GORAB: variants seen among roughly 807,000 people sequenced by gnomAD.
GORAB encodes RAB6-interacting golgin.
A neutral mutation model predicts 29.9 loss-of-function variants in GORAB; 17 were observed. The ratio of observed to expected loss-of-function variants is 0.57; its 90% CI spans 0.39 to 0.85. The LOEUF is 0.85. Among genes scored for constraint, GORAB ranks in the 40% least tolerant of loss-of-function variants. The pLI, the probability that GORAB is intolerant of heterozygous loss-of-function variation, is 0.00. For missense variants in GORAB, 442 were observed against 437.8 expected (o/e 1.01, Z -0.09); for synonymous variants, 183 against 157.2 (o/e 1.16, Z -1.23).
chr1:170,543,155 TC>T (rs1649540451), intron 3 of GORAB, among the ~76,000 whole-genome samples: 1 of 152,152 alleles, frequency 6.6e-6, no homozygotes, highest in Non-Finnish European at 1.5e-5. Context: ...TCTTTCACCT[TC>T]CAGTGTCTAT....
Position 170,544,523 on chromosome 1 carries a change from A to G in GORAB, c.522-182A>G, listed in dbSNP as rs187430236. On this transcript the variant is annotated intron_variant, in intron 3 of 4. Coordinates refer to ENST00000367763, the MANE Select transcript of GORAB (RefSeq NM_152281.3). ...TTACTTTATGAAACATGCAAATATA[A>G]AATTTCAAAAACTCAAATGTTAACC... is the stretch of plus-strand genomic sequence containing the variant. The G allele has an allele frequency of 3.7e-5, 19 of 510,814 alleles. No individual in the cohort carries two copies. In the East Asian group the frequency reaches 6.0e-4, roughly 16 times the overall value. 31.6% of individuals were successfully genotyped at this position (510,814 alleles called of 1,614,324 possible).
At chr1:170,548,738 G>A (rs1279210285) in intron 4 of GORAB, among the ~76,000 whole-genome samples, 2 of 152,038 alleles carry the variant, frequency 1.3e-5, no homozygotes, top group Non-Finnish European at 1.5e-5. Flanking sequence ...TTACAAAAGG[G>A]AATAATTGAT....
At chr1:170,538,301 G>C (rs10919427) in intron 1 of GORAB, among the ~76,000 whole-genome samples, 1 of 152,100 alleles carries the variant, frequency 6.6e-6, no homozygotes, top group Non-Finnish European at 1.5e-5. Flanking sequence ...TGCTTCAAAA[G>C]TCAATATGCC....
intron 4 of GORAB, among the ~76,000 whole-genome samples, chr1:170,549,425 A>G (rs1170223054): frequency 6.6e-6 from 1 of 152,202 alleles, no homozygotes; most frequent in Non-Finnish European, 1.5e-5. Context: ...TGATTTATCC[A>G]GGGTGATAGA....
chr1:170,549,508 T>C (rs1649986100), intron 4 of GORAB, among the ~76,000 whole-genome samples: 1 of 152,212 alleles, frequency 6.6e-6, no homozygotes, highest in African/African-American at 2.4e-5. Flanking sequence ...ACTGTAAATC[T>C]CTACTGATTG....
At chr1:170,544,202 G>A (rs760800312) in intron 3 of GORAB, among the ~76,000 whole-genome samples, 1 of 152,126 alleles carries the variant, frequency 6.6e-6, no homozygotes, top group African/African-American at 2.4e-5. Context: ...AAGAATCAAA[G>A]CAATAAAAGT....
At position 170,552,046 on chromosome 1, in the gene GORAB, A is replaced by G. The variant is rs1275189560; in HGVS notation, c.694A>G (p.Ile232Val). Residue 232 changes from isoleucine (I) to valine (V), a missense_variant, in exon 5 of 5, where the codon ATT (isoleucine) becomes GTT (valine). By Grantham distance (29) the Ile-to-Val change is conservative. Transcript: ENST00000367763. ...KRFDRAEAEY[I>V]AAKLDIQRKT... ...GTTTGACAGGGCTGAAGCAGAGTAC[A>G]TTGCAGCAAAGCTAGATATACAGCG... The G allele has an allele frequency of 1.2e-6, 2 of 1,613,960 alleles. No homozygotes were observed. The highest frequency in any genetic ancestry group is 1.7e-5 in the Admixed American group (1 of 60,000).
intron 1 of GORAB, among the ~76,000 whole-genome samples, chr1:170,535,866 G>T (rs1335329115): frequency 1.3e-5 from 2 of 152,000 alleles, no homozygotes; most frequent in African/African-American, 4.8e-5. Flanking sequence ...TAATTTTAAT[G>T]TATTCAAATA....
At chr1:170,543,684 AGTC>A (rs1167326654) in intron 3 of GORAB, among the ~76,000 whole-genome samples, 1 of 147,846 alleles carries the variant, frequency 6.8e-6, no homozygotes, top group Admixed American at 6.8e-5. Flanking sequence ...GCATTTTAGT[AGTC>A]TTCAATTTCT....
At chr1:170,546,909 T>C (rs1649797450) in intron 4 of GORAB, among the ~76,000 whole-genome samples, 1 of 152,148 alleles carries the variant, frequency 6.6e-6, no homozygotes. Context: ...GGTCTCCAAC[T>C]CTTGACCTCA....
chr1:170,539,631 T>C, intron 2 of GORAB, 64 bp downstream of exon 2: 3 of 1,507,246 alleles, frequency 2.0e-6, no homozygotes, highest in Non-Finnish European at 2.7e-6. Context: ...CCCAATGGGC[T>C]TTAAGGAAAT....
chr1:170,553,508 T>C lies in GORAB; in HGVS notation c.*1046T>C. On this transcript the variant is annotated 3_prime_UTR_variant, in exon 5 of 5. Transcript: ENST00000367763. The stretch of plus-strand genomic sequence containing the variant: ...ATTCCAAAAAGTAAAAATATTACCT[T>C]TGAGGACTTTTTTTTTTTAAAAAAA... The C allele has an allele frequency of 2.3e-6, 1 of 432,304 alleles. No homozygotes were observed. 26.8% of individuals were successfully genotyped at this position (432,304 alleles called of 1,614,324 possible).
Position 170,538,474 on chromosome 1 carries a change from G to T in GORAB, c.62-736G>T, listed in dbSNP as rs1649189648. Among the ~76,000 whole-genome samples the T allele has an allele frequency of 2.0e-5, 3 of 152,144 alleles. No individual in the cohort carries two copies. The South Asian group carries it at 6.2e-4, about 32-fold the overall frequency. ...TAAGATGTTAACACTGGCATGGACA[G>T]TCCAAAAAGTATAATAGAAGTGTTA... On this transcript the variant is annotated intron_variant, in intron 1 of 4. Transcript: ENST00000367763.
intron 4 of GORAB, among the ~76,000 whole-genome samples, chr1:170,546,019 C>T (rs1649737376): frequency 6.6e-6 from 1 of 152,064 alleles, no homozygotes; most frequent in African/African-American, 2.4e-5. Context: ...CATAAGTTTG[C>T]CAGAGGAACA....
chr1:170,549,461 G>A (rs181828199), intron 4 of GORAB, among the ~76,000 whole-genome samples: 1 of 152,124 alleles, frequency 6.6e-6, no homozygotes. Flanking sequence ...GGACCTGTTC[G>A]CAAATGTTAA....
intron 2 of GORAB, among the ~76,000 whole-genome samples, chr1:170,542,066 G>A (rs1161030942): frequency 2.0e-5 from 3 of 152,168 alleles, no homozygotes; most frequent in Admixed American, 2.0e-4. Context: ...ACATGTTAAG[G>A]TGGTGGAGAC....
chr1:170,553,356 T>C lies in GORAB; in HGVS notation c.*894T>C, dbSNP rs948555311. ...TAAATTGTTAAAATGCTGATTTTCTTATTAGTTTGTTAATTGCCTGTTACT... is the reference window on the plus strand; with the variant it reads ...TAAATTGTTAAAATGCTGATTTTCTCATTAGTTTGTTAATTGCCTGTTACT... On this transcript the variant is annotated 3_prime_UTR_variant, in exon 5 of 5. Transcript: ENST00000367763. The C allele has an allele frequency of 2.2e-6, 1 of 452,564 alleles. No homozygotes were observed. The highest frequency in any genetic ancestry group is 1.6e-5 in the South Asian group (1 of 63,762). The allele number at this position is 452,564 out of a possible 1,614,324, so 28.0% of individuals were successfully genotyped here.
At position 170,542,688 on chromosome 1, in the gene GORAB, A is replaced by G. The variant is rs185703267; in HGVS notation, c.521+96A>G. 3.5e-6 allele frequency: 3 copies of G among 850,420 alleles called. No individual in the cohort carries two copies. The Admixed American group carries it at 5.2e-5, about 15-fold the overall frequency. The allele number at this position is 850,420 out of a possible 1,614,324, so 52.7% of individuals were successfully genotyped here. A position where few individuals can be genotyped will look rare whatever the true frequency, so the allele number is the denominator to read the frequency against. On this transcript the variant is annotated intron_variant, in intron 3 of 4. Coordinates refer to ENST00000367763, the MANE Select transcript of GORAB (RefSeq NM_152281.3). The stretch of plus-strand genomic sequence containing the variant: ...CCCATGTCTCTTTTAATAAACTGAT[A>G]TTTTTTCTTCAACCATTACTTTTAA...
chr1:170,533,721 A>T, intron 1 of GORAB: 1 of 352,430 alleles, frequency 2.8e-6, no homozygotes, highest in Non-Finnish European at 6.0e-6. Context: ...ATTTTGAAAT[A>T]TCTTTGCAAC....
Sources: gnomAD v4.1 joint callset for allele counts (sites outside exome capture counted in the v4.1 genomes callset) on GRCh38, gnomAD v4.1.1 for gene constraint, MANE v1.5 for transcripts, NCBI Gene and HGNC (gene_info 2026-07-23, HGNC 2026-07-21) for gene names.